Variants in ADGB observed in about 807,000 individuals in gnomAD.
ADGB encodes the protein calpain-7-like protein.
Under a neutral mutation model 210.5 loss-of-function variants are expected in ADGB, and 172 were observed. The observed-to-expected ratio is 0.82, with a 90% CI of 0.72 to 0.93. The LOEUF is 0.93. Ranked by LOEUF, ADGB falls within the 40% of genes least tolerant of loss-of-function variation. The probability of loss-of-function intolerance (pLI) is 0.00; values close to 1 mark genes in which losing one functional copy is unlikely to be tolerated. For synonymous variants in ADGB, 658 were observed against 662.7 expected (o/e 0.99, Z 0.11); for missense variants, 2,025 against 1,964.8 (o/e 1.03, Z -0.58).
intron 16 of ADGB, among the ~76,000 whole-genome samples, chr6:146,718,550 T>C (rs1776769679): frequency 6.6e-6 from 1 of 152,186 alleles, no homozygotes; most frequent in Admixed American, 6.5e-5. Context: ...AGGAACTCAA[T>C]TTAAAAATTG....
intron 1 of ADGB, among the ~76,000 whole-genome samples, chr6:146,627,245 A>G (rs1034687519): frequency 6.6e-6 from 1 of 152,094 alleles, no homozygotes; most frequent in Non-Finnish European, 1.5e-5. Flanking sequence ...TGTGTCAGTT[A>G]TGTGTTTAAG....
In ADGB at chr6:146,674,508, G is replaced by A. The variant is rs954524074; in HGVS notation, c.1088-1805G>A. Among the ~76,000 whole-genome samples, 5 of 152,306 alleles carry A rather than the reference G, an allele frequency of 3.3e-5. No individual in the cohort carries two copies. In the East Asian group the frequency reaches 9.7e-4, roughly 29 times the overall value. On this transcript the variant is annotated intron_variant, in intron 8 of 35. Transcript: ENST00000397944. The stretch of plus-strand genomic sequence containing the variant: ...ATGGCTCCTCCATTCTCATAGGTGG[G>A]CACAGGTTATGGGAGAGTGGATACA...
At chr6:146,746,882 C>T (rs1015159035) in intron 26 of ADGB, among the ~76,000 whole-genome samples, 4 of 152,086 alleles carry the variant, frequency 2.6e-5, no homozygotes, top group African/African-American at 9.7e-5. Context: ...TTTTATTTTG[C>T]TCGAGCATTT....
intron 11 of ADGB, among the ~76,000 whole-genome samples, chr6:146,692,158 T>A (rs1351608235): frequency 6.6e-6 from 1 of 152,330 alleles, no homozygotes. Context: ...TGCTACTGAT[T>A]GCTGTGTACA....
chr6:146,771,455 C>T (rs1777652059), intron 29 of ADGB, among the ~76,000 whole-genome samples: 1 of 151,994 alleles, frequency 6.6e-6, no homozygotes, highest in Admixed American at 6.6e-5. Flanking sequence ...ATGTTTTTCC[C>T]GTCAGGTTGC....
chr6:146,721,997 C>A (rs1310385614), intron 17 of ADGB, among the ~76,000 whole-genome samples: 1 of 152,024 alleles, frequency 6.6e-6, no homozygotes, highest in Non-Finnish European at 1.5e-5. Context: ...ACTGCTGCCA[C>A]CTGCACCTCT....
intron 1 of ADGB, among the ~76,000 whole-genome samples, chr6:146,610,290 G>A (rs572382207): frequency 6.6e-6 from 1 of 152,242 alleles, no homozygotes; most frequent in South Asian, 2.1e-4. Flanking sequence ...ACTTTGTCCT[G>A]AATCTCCGCA....
chr6:146,738,065 G>A lies in ADGB; in HGVS notation c.2888+1474G>A, dbSNP rs185328170. On this transcript the variant is annotated intron_variant, in intron 23 of 35. Coordinates refer to ENST00000397944, the MANE Select transcript of ADGB (RefSeq NM_024694.4). The stretch of plus-strand genomic sequence containing the variant: ...GAACACGTAATTTGACACAAGACCT[G>A]AAGCTAACCCCAGCTCTACTAATTA... Among the ~76,000 whole-genome samples, 14 of 152,286 alleles carry A rather than the reference G, an allele frequency of 9.2e-5. No homozygotes were observed. In the East Asian group the frequency reaches 2.7e-3, roughly 29 times the overall value.
chr6:146,726,488 G>T (rs538878035), intron 19 of ADGB, among the ~76,000 whole-genome samples: 1 of 152,170 alleles, frequency 6.6e-6, no homozygotes, highest in Non-Finnish European at 1.5e-5. Context: ...CTCCCAAAGT[G>T]CTGGGATCAC....
chr6:146,601,825 T>C (rs1400194828), intron 1 of ADGB, among the ~76,000 whole-genome samples: 1 of 152,228 alleles, frequency 6.6e-6, no homozygotes, highest in Admixed American at 6.5e-5. Flanking sequence ...TTTTGCCTCA[T>C]ATGTCAACTA....
intron 29 of ADGB, among the ~76,000 whole-genome samples, chr6:146,774,138 A>G (rs1777690785): frequency 6.6e-6 from 1 of 152,206 alleles, no homozygotes; most frequent in African/African-American, 2.4e-5. Flanking sequence ...TAGTGAACAC[A>G]AAAGTAATAT....
chr6:146,719,101 C>T (rs574415978), intron 16 of ADGB, among the ~76,000 whole-genome samples: 1 of 152,316 alleles, frequency 6.6e-6, no homozygotes, highest in African/African-American at 2.4e-5. Context: ...ATTGCATTCA[C>T]TCCTCATAGC....
At chr6:146,754,274 A>C (rs1056862818) in intron 27 of ADGB, among the ~76,000 whole-genome samples, 1 of 151,236 alleles carries the variant, frequency 6.6e-6, no homozygotes. Context: ...ATTTATTCCT[A>C]ATCAGACTTT....
At chr6:146,618,947 A>T (rs931268809) in intron 1 of ADGB, among the ~76,000 whole-genome samples, 2 of 151,878 alleles carry the variant, frequency 1.3e-5, no homozygotes, top group African/African-American at 4.8e-5. Context: ...GAAATCCTCT[A>T]TTGGATTGAA....
chr6:146,631,830 G>T (rs1036110476), intron 1 of ADGB, among the ~76,000 whole-genome samples: 2 of 152,002 alleles, frequency 1.3e-5, no homozygotes, highest in Non-Finnish European at 2.9e-5. Context: ...GTTCATGAAA[G>T]TCCTCCAGCC....
At chr6:146,806,454 T>A (rs1180969500) in intron 35 of ADGB, among the ~76,000 whole-genome samples, 1 of 152,192 alleles carries the variant, frequency 6.6e-6, no homozygotes, top group Admixed American at 6.5e-5. Context: ...CACTACTATC[T>A]TCTACTTGTG....
intron 8 of ADGB, among the ~76,000 whole-genome samples, chr6:146,675,727 A>G (rs1022544882): frequency 6.6e-6 from 1 of 152,152 alleles, no homozygotes; most frequent in Non-Finnish European, 1.5e-5. Context: ...GAAGAAGAAT[A>G]TGTTTTGTGG....
intron 1 of ADGB, among the ~76,000 whole-genome samples, chr6:146,625,823 A>T (rs1430586617): frequency 6.6e-6 from 1 of 152,052 alleles, no homozygotes; most frequent in Non-Finnish European, 1.5e-5. Flanking sequence ...GTTGCTAGCA[A>T]TGCAAGAATG....
chr6:146,785,204 C>G (rs1320851946), intron 31 of ADGB, among the ~76,000 whole-genome samples: 1 of 152,060 alleles, frequency 6.6e-6, no homozygotes, highest in Non-Finnish European at 1.5e-5. Flanking sequence ...ATATACACAC[C>G]TAGTCTCTAG....
Sources: allele counts gnomAD v4.1 joint callset (sites outside exome capture counted in the v4.1 genomes callset), GRCh38; gene constraint gnomAD v4.1.1; transcripts MANE v1.5; gene names NCBI Gene and HGNC (gene_info 2026-07-23, HGNC 2026-07-21).